CNTNAP2: variants seen among roughly 807,000 people sequenced by gnomAD.
CNTNAP2 encodes contactin-associated protein-like 2.
CNTNAP2 carries 98 observed loss-of-function variants against 155.2 expected under a neutral mutation model. The observed-to-expected ratio is 0.63, with a 90% CI of 0.54 to 0.75. CNTNAP2 has a LOEUF of 0.75. CNTNAP2 is among the 30% of genes least tolerant of loss of function. CNTNAP2 has a pLI of 0.00. For synonymous variants in CNTNAP2, 651 were observed against 631.2 expected (o/e 1.03, Z -0.47); for missense variants, 1,727 against 1,688.1 (o/e 1.02, Z -0.40).
At chr7:146,711,133 C>A (rs1801061025) in intron 1 of CNTNAP2, among the ~76,000 whole-genome samples, 1 of 151,082 alleles carries the variant, frequency 6.6e-6, no homozygotes, top group Non-Finnish European at 1.5e-5. Context: ...CACACACACA[C>A]ATATATGTGT....
chr7:147,911,147 A>G (rs1800059465), intron 14 of CNTNAP2, among the ~76,000 whole-genome samples: 2 of 152,122 alleles, frequency 1.3e-5, no homozygotes, highest in Admixed American at 1.3e-4. Context: ...CTGGCCAGTT[A>G]ACCTTAAATA....
At chr7:146,673,494 T>A (rs1800344327) in intron 1 of CNTNAP2, among the ~76,000 whole-genome samples, 1 of 152,172 alleles carries the variant, frequency 6.6e-6, no homozygotes, top group African/African-American at 2.4e-5. Context: ...CCATACATAG[T>A]GAACTGTAAC....
At chr7:146,894,323 T>C (rs1795835436) in intron 3 of CNTNAP2, among the ~76,000 whole-genome samples, 1 of 152,208 alleles carries the variant, frequency 6.6e-6, no homozygotes, top group Admixed American at 6.5e-5. Flanking sequence ...AATTCCTTTA[T>C]ATGGGAAACA....
intron 11 of CNTNAP2, among the ~76,000 whole-genome samples, chr7:147,550,264 A>C (rs978395801): frequency 6.6e-6 from 1 of 152,180 alleles, no homozygotes; most frequent in African/African-American, 2.4e-5. Flanking sequence ...ATCTCACCTT[A>C]AATTGTAATA....
At chr7:148,118,368 C>T in intron 16 of CNTNAP2, 80 bp downstream of exon 16, 1 of 1,459,836 alleles carries the variant, frequency 6.9e-7, no homozygotes, top group Middle Eastern at 1.7e-4. Flanking sequence ...TGTGGAAGGC[C>T]TTTTGATTCA....
intron 10 of CNTNAP2, among the ~76,000 whole-genome samples, chr7:147,425,269 A>C (rs202006207): frequency 4.1e-3 from 1 of 242 alleles, no homozygotes; most frequent in Admixed American, 0.062. Flanking sequence ...CATTGCCTTT[A>C]AAAAAAAAAA....
chr7:147,275,950 G>T (rs887468791), intron 8 of CNTNAP2, among the ~76,000 whole-genome samples: 2 of 151,722 alleles, frequency 1.3e-5, no homozygotes, highest in Non-Finnish European at 2.9e-5. Context: ...TGTTTATGTG[G>T]TGAATCACAT....
chr7:148,103,250 C>G (rs1256700692), intron 15 of CNTNAP2, among the ~76,000 whole-genome samples: 2 of 148,760 alleles, frequency 1.3e-5, no homozygotes, highest in Non-Finnish European at 3.0e-5. Context: ...TTTAGGAATA[C>G]AGTGGAGGCA....
intron 13 of CNTNAP2, among the ~76,000 whole-genome samples, chr7:147,644,304 T>C (rs1795330364): frequency 6.6e-6 from 1 of 152,190 alleles, no homozygotes; most frequent in Non-Finnish European, 1.5e-5. Flanking sequence ...CAGTGAAATC[T>C]ACTTCTCAAA....
At chr7:146,238,592 A>G (rs78182022) in intron 1 of CNTNAP2, among the ~76,000 whole-genome samples, 1 of 151,702 alleles carries the variant, frequency 6.6e-6, no homozygotes, top group Non-Finnish European at 1.5e-5. Flanking sequence ...ATGAGTGAGG[A>G]AAAAAAAAGT....
chr7:147,550,552 A>G (rs1799831998), intron 11 of CNTNAP2, among the ~76,000 whole-genome samples: 1 of 152,188 alleles, frequency 6.6e-6, no homozygotes, highest in Non-Finnish European at 1.5e-5. Context: ...TGTCTTTATT[A>G]GCAGCATGAG....
chr7:147,219,260 A>G (rs931905586), intron 8 of CNTNAP2, among the ~76,000 whole-genome samples: 3 of 152,170 alleles, frequency 2.0e-5, no homozygotes, highest in African/African-American at 7.2e-5. Context: ...TAATTGACTC[A>G]CAGGATCACA....
chr7:147,664,902 C>T (rs1055824194), intron 13 of CNTNAP2, among the ~76,000 whole-genome samples: 1 of 152,198 alleles, frequency 6.6e-6, no homozygotes, highest in Non-Finnish European at 1.5e-5. Context: ...AGTTATTTAC[C>T]TCTCTCCCAT....
chr7:147,281,170 A>C (rs1277560319), intron 8 of CNTNAP2, among the ~76,000 whole-genome samples: 1 of 151,924 alleles, frequency 6.6e-6, no homozygotes. Flanking sequence ...ACTTTAAAGA[A>C]GGCTATATGT....
intron 15 of CNTNAP2, among the ~76,000 whole-genome samples, chr7:147,979,943 A>C (rs1056126038): frequency 2.0e-5 from 3 of 152,114 alleles, no homozygotes; most frequent in African/African-American, 7.2e-5. Flanking sequence ...TTTTATTACC[A>C]TTCTTAAAAA....
chr7:147,645,552 T>C (rs10155857), intron 13 of CNTNAP2, among the ~76,000 whole-genome samples: 6,096 of 152,260 alleles, frequency 0.04, 379 homozygotes, highest in Admixed American at 0.15. Flanking sequence ...TGTTTCATAC[T>C]CAGACAACTA....
chr7:148,235,977 G>T (rs547717104), intron 20 of CNTNAP2, among the ~76,000 whole-genome samples: 4 of 147,934 alleles, frequency 2.7e-5, no homozygotes, highest in Non-Finnish European at 5.9e-5. Flanking sequence ...GAGCCACCGC[G>T]CCTGGCTACA....
chr7:147,478,947 C>G (rs1385731366), intron 10 of CNTNAP2, among the ~76,000 whole-genome samples: 1 of 152,220 alleles, frequency 6.6e-6, no homozygotes, highest in African/African-American at 2.4e-5. Context: ...CTAAAAGGCA[C>G]AGGCCACGTG....
chr7:147,641,997 G>GGTGTGTGTGTGCGT (rs1343476513), intron 13 of CNTNAP2, among the ~76,000 whole-genome samples: 1 of 140,346 alleles, frequency 7.1e-6, no homozygotes, highest in African/African-American at 2.6e-5. Context: ...ACTTATCATA[G>GGTGTGTGTGTGCGT]GTGTGTGTGT....
Sources: gnomAD v4.1 joint callset for allele counts (sites outside exome capture counted in the v4.1 genomes callset) on GRCh38, gnomAD v4.1.1 for gene constraint, MANE v1.5 for transcripts, NCBI Gene and HGNC (gene_info 2026-07-23, HGNC 2026-07-21) for gene names.